The following PDE4D variants were observed in gnomAD, a reference collection of about 807,000 sequenced individuals.
PDE4D encodes the protein phosphodiesterase 4D, also known as 3',5'-cyclic-AMP phosphodiesterase 4D.
Under a neutral mutation model 87.4 loss-of-function variants are expected in PDE4D, and 24 were observed. The observed-to-expected ratio is 0.27, with a 90% CI of 0.20 to 0.39. The LOEUF (loss-of-function observed/expected upper bound fraction) is 0.39. Among genes scored for constraint, PDE4D ranks in the 10% least tolerant of loss-of-function variants. The pLI, the probability that PDE4D is intolerant of heterozygous loss-of-function variation, is 1.00. For synonymous variants in PDE4D, 384 were observed against 383.2 expected (o/e 1.00, Z -0.02); for missense variants, 714 against 1,041.0 (o/e 0.69, Z 4.32).
intron 1 of PDE4D, among the ~76,000 whole-genome samples, chr5:59,394,034 T>C (rs533837858): frequency 2.2e-3 from 328 of 152,372 alleles, no homozygotes; most frequent in African/African-American, 7.4e-3. Flanking sequence ...GGATACTCAT[T>C]TCTTTCGATT....
intron 1 of PDE4D, among the ~76,000 whole-genome samples, chr5:59,754,145 C>T (rs1305104546): frequency 6.6e-6 from 1 of 152,140 alleles, no homozygotes; most frequent in Non-Finnish European, 1.5e-5. Context: ...GCCTGGCAAA[C>T]ATGGTGAAAC....
chr5:60,046,683 A>T (rs1313200244), intron 2 of PDE4D, among the ~76,000 whole-genome samples: 1 of 152,134 alleles, frequency 6.6e-6, no homozygotes, highest in African/African-American at 2.4e-5. Context: ...TGATTTGCGT[A>T]TATTGAACCA....
At chr5:60,209,619 G>A (rs541865283) in intron 1 of PDE4D, among the ~76,000 whole-genome samples, 1 of 152,012 alleles carries the variant, frequency 6.6e-6, no homozygotes, top group East Asian at 1.9e-4. Context: ...TCCTAGTTTG[G>A]GCATAGTATT....
At chr5:59,974,781 A>G (rs1018236615) in intron 3 of PDE4D, among the ~76,000 whole-genome samples, 4 of 152,042 alleles carry the variant, frequency 2.6e-5, no homozygotes, top group Non-Finnish European at 5.9e-5. Context: ...TCTTATCCCC[A>G]TGTTGCACTG....
At chr5:59,479,275 A>G (rs1245490826) in intron 1 of PDE4D, among the ~76,000 whole-genome samples, 1 of 151,994 alleles carries the variant, frequency 6.6e-6, no homozygotes, top group Non-Finnish European at 1.5e-5. Flanking sequence ...GAGAGTTCCT[A>G]AGCACCGTCA....
intron 1 of PDE4D, among the ~76,000 whole-genome samples, chr5:59,766,518 G>C (rs1762813835): frequency 6.6e-6 from 1 of 152,180 alleles, no homozygotes; most frequent in African/African-American, 2.4e-5. Context: ...ATAACCTCCA[G>C]CTGAACTCTA....
At chr5:60,307,680 G>A (rs529103681) in intron 1 of PDE4D, among the ~76,000 whole-genome samples, 29 of 151,616 alleles carry the variant, frequency 1.9e-4, no homozygotes, top group Admixed American at 4.6e-4. Flanking sequence ...TCACTGTTCC[G>A]AAGTCACACT....
chr5:59,651,703 T>G (rs376500117), intron 1 of PDE4D, among the ~76,000 whole-genome samples: 1 of 152,210 alleles, frequency 6.6e-6, no homozygotes, highest in African/African-American at 2.4e-5. Context: ...CTAATTCTAA[T>G]TCTTAAAAGT....
intron 1 of PDE4D, among the ~76,000 whole-genome samples, chr5:59,518,445 G>C (rs1479680953): frequency 6.6e-6 from 1 of 152,106 alleles, no homozygotes; most frequent in Non-Finnish European, 1.5e-5. Context: ...GTGCTGGGCT[G>C]TGCACTATGG....
At chr5:59,099,869 A>T (rs1770431718) in intron 5 of PDE4D, among the ~76,000 whole-genome samples, 1 of 152,168 alleles carries the variant, frequency 6.6e-6, no homozygotes, top group Non-Finnish European at 1.5e-5. Flanking sequence ...TCAACAAACC[A>T]CAGTCCAGGA....
chr5:59,421,324 G>A (rs1794454437), intron 1 of PDE4D, among the ~76,000 whole-genome samples: 3 of 152,152 alleles, frequency 2.0e-5, no homozygotes, highest in East Asian at 3.9e-4. Context: ...CTGCAGAAAT[G>A]TGAATATTGC....
At chr5:58,980,632 A>C (rs1356569491) in intron 11 of PDE4D, among the ~76,000 whole-genome samples, 1 of 151,684 alleles carries the variant, frequency 6.6e-6, no homozygotes, top group Non-Finnish European at 1.5e-5. Flanking sequence ...ATATGCTACT[A>C]CTGAAGGCAG....
At chr5:59,516,474 C>T (rs1175476269) in intron 1 of PDE4D, among the ~76,000 whole-genome samples, 3 of 152,192 alleles carry the variant, frequency 2.0e-5, no homozygotes, top group Non-Finnish European at 4.4e-5. Context: ...TAACAGTCTA[C>T]AGCTTTCTGT....
chr5:60,176,612 T>A (rs1783917873), intron 2 of PDE4D, among the ~76,000 whole-genome samples: 1 of 152,184 alleles, frequency 6.6e-6, no homozygotes, highest in Non-Finnish European at 1.5e-5. Context: ...ATGGGGGTAC[T>A]CTTGGCTGAT....
chr5:59,698,208 T>G (rs73758858), intron 1 of PDE4D, among the ~76,000 whole-genome samples: 10,916 of 152,134 alleles, frequency 0.072, 1,208 homozygotes, highest in African/African-American at 0.24. Flanking sequence ...AGCAGAGGGA[T>G]GGAGAAAAGC....
intron 3 of PDE4D, among the ~76,000 whole-genome samples, chr5:59,958,752 C>T (rs540316563): frequency 9.9e-5 from 15 of 152,052 alleles, no homozygotes; most frequent in African/African-American, 3.6e-4. Flanking sequence ...AACAGGCAAA[C>T]GCTGGAAACA....
chr5:60,360,932 T>C (rs1335926117), intron 1 of PDE4D, among the ~76,000 whole-genome samples: 1 of 152,226 alleles, frequency 6.6e-6, no homozygotes, highest in East Asian at 1.9e-4. Context: ...ATAAAAATTA[T>C]TTTAGGAAAT....
At chr5:60,480,245 G>C (rs181609447) in intron 1 of PDE4D, among the ~76,000 whole-genome samples, 5 of 152,220 alleles carry the variant, frequency 3.3e-5, no homozygotes, top group African/African-American at 1.2e-4. Flanking sequence ...TTTTGAAACT[G>C]ACTGAATAAA....
Position 59,920,011 on chromosome 5 carries a change from T to C in PDE4D, c.272+68477A>G, listed in dbSNP as rs367660291. Among the ~76,000 whole-genome samples the C allele has an allele frequency of 8.2e-4, 125 of 152,340 alleles. 1 individual carries two copies. Among genetic ancestry groups the C allele is most frequent in the African/African-American group, 2.8e-3 (116 of 41,580 alleles). ...AAAGATATAAGTATGAAATCTTGAA[T>C]TGAGATTATGTAAAATAAAATTTAT... On this transcript the variant is annotated intron_variant, in intron 3 of 16. Coordinates refer to the PDE4D transcript ENST00000502484.
Sources: gnomAD v4.1 joint callset for allele counts (sites outside exome capture counted in the v4.1 genomes callset) on GRCh38, gnomAD v4.1.1 for gene constraint, MANE v1.5 for transcripts, NCBI Gene and HGNC (gene_info 2026-07-23, HGNC 2026-07-21) for gene names.